SAMMSON: variants seen among roughly 807,000 people sequenced by gnomAD.
SAMMSON encodes survival associated mitochondrial melanoma specific oncogenic non-coding RNA.
intron 7 of SAMMSON, chr3:70,311,759 A>T: frequency 2.6e-6 from 1 of 387,788 alleles, no homozygotes; most frequent in Non-Finnish European, 4.5e-6. Flanking sequence ...AAAAGAAAAG[A>T]GTGAAAATCA....
intron 4 of SAMMSON, among the ~76,000 whole-genome samples, chr3:70,134,545 C>T (rs897574634): frequency 2.0e-5 from 3 of 151,898 alleles, no homozygotes; most frequent in African/African-American, 7.3e-5. Context: ...AAAGTGTAAA[C>T]ATATGACTTA....
intron 4 of SAMMSON, among the ~76,000 whole-genome samples, chr3:70,182,445 A>T (rs1019293543): frequency 6.6e-6 from 1 of 151,886 alleles, no homozygotes; most frequent in Non-Finnish European, 1.5e-5. Context: ...ACTGTGTTTT[A>T]TGGGGGGAGA....
chr3:70,361,368 G>C (rs1482780891), intron 9 of SAMMSON, among the ~76,000 whole-genome samples: 1 of 152,144 alleles, frequency 6.6e-6, no homozygotes, highest in South Asian at 2.1e-4. Context: ...TAAGAAATTA[G>C]ACATACTACT....
At chr3:70,128,182 T>C (rs1448248080) in intron 4 of SAMMSON, among the ~76,000 whole-genome samples, 2 of 152,202 alleles carry the variant, frequency 1.3e-5, no homozygotes, top group Non-Finnish European at 2.9e-5. Flanking sequence ...GATCCTGACA[T>C]TTGGAGTCCT....
chr3:70,298,543 T>C (rs555525476), intron 7 of SAMMSON, among the ~76,000 whole-genome samples: 1 of 152,276 alleles, frequency 6.6e-6, no homozygotes, highest in Admixed American at 6.6e-5. Context: ...ATCACTGTGA[T>C]CTACAGATAA....
intron 3 of SAMMSON, among the ~76,000 whole-genome samples, chr3:70,020,948 A>C (rs139197313): frequency 6.6e-6 from 1 of 152,192 alleles, no homozygotes; most frequent in Non-Finnish European, 1.5e-5. Flanking sequence ...GGCAGAACCA[A>C]GTTCTGAAAG....
chr3:70,069,401 TC>T (rs1175075724), intron 3 of SAMMSON: 2 of 152,152 alleles, frequency 1.3e-5, no homozygotes, highest in African/African-American at 4.8e-5. Context: ...TTTTAAGATC[TC>T]ATAGTGCAGC....
intron 6 of SAMMSON, among the ~76,000 whole-genome samples, chr3:70,250,598 T>C (rs1361213889): frequency 6.6e-6 from 1 of 152,170 alleles, no homozygotes; most frequent in Admixed American, 6.6e-5. Flanking sequence ...GCAGCCAGTT[T>C]GGCAAAGGTT....
At chr3:70,197,281 A>G (rs1701191593) in intron 4 of SAMMSON, 1 of 397,106 alleles carries the variant, frequency 2.5e-6, no homozygotes, top group Admixed American at 4.4e-5. Context: ...TTGATAGCCA[A>G]CTCTTAATTA....
chr3:70,114,353 C>T (rs960019056), intron 4 of SAMMSON, among the ~76,000 whole-genome samples: 3 of 152,124 alleles, frequency 2.0e-5, no homozygotes, highest in Non-Finnish European at 2.9e-5. Context: ...TTTTGACTTC[C>T]GGTAGAAAAT....
At chr3:70,232,917 G>C (rs1317437522) in intron 4 of SAMMSON, among the ~76,000 whole-genome samples, 1 of 152,118 alleles carries the variant, frequency 6.6e-6, no homozygotes, top group Non-Finnish European at 1.5e-5. Flanking sequence ...TGCTAGGCGT[G>C]GGGGTTCACA....
chr3:70,276,656 C>A (rs1186193907), intron 6 of SAMMSON, among the ~76,000 whole-genome samples: 1 of 152,182 alleles, frequency 6.6e-6, no homozygotes, highest in Non-Finnish European at 1.5e-5. Context: ...TAAACTGTGA[C>A]CCATGGTCTA....
chr3:70,191,027 A>G (rs908039983), intron 4 of SAMMSON, among the ~76,000 whole-genome samples: 5 of 152,196 alleles, frequency 3.3e-5, no homozygotes, highest in African/African-American at 1.2e-4. Flanking sequence ...CTGCAGTCTC[A>G]ACTTTAAATG....
intron 4 of SAMMSON, chr3:70,120,637 G>T (rs1206838262): frequency 1.3e-5 from 2 of 152,204 alleles, no homozygotes; most frequent in Non-Finnish European, 2.9e-5. Flanking sequence ...GTCCTTGGAG[G>T]TGACACTCCA....
At chr3:70,019,449 A>T (rs1210088807) in intron 3 of SAMMSON, among the ~76,000 whole-genome samples, 1 of 152,042 alleles carries the variant, frequency 6.6e-6, no homozygotes. Context: ...ATCTTCCTCC[A>T]TCCCTTTATT....
intron 2 of SAMMSON, among the ~76,000 whole-genome samples, chr3:70,413,233 T>C (rs530321702): frequency 3.7e-4 from 56 of 152,152 alleles, no homozygotes; most frequent in Non-Finnish European, 7.2e-4. Context: ...TAGCCTTCTT[T>C]AGTAATCTGC....
At chr3:70,416,358 A>C (rs2106771448) in intron 2 of SAMMSON, among the ~76,000 whole-genome samples, 1 of 152,238 alleles carries the variant, frequency 6.6e-6, no homozygotes, top group African/African-American at 2.4e-5. Context: ...TGTTTAATGC[A>C]TTGTCTTGTC....
At chr3:70,001,160 C>T (rs372984597) in intron 1 of SAMMSON, among the ~76,000 whole-genome samples, 1 of 151,878 alleles carries the variant, frequency 6.6e-6, no homozygotes, top group Non-Finnish European at 1.5e-5. Context: ...AATTGTTGAG[C>T]CCCCTAAAAA....
intron 9 of SAMMSON, among the ~76,000 whole-genome samples, chr3:70,363,567 C>A (rs945101629): frequency 1.3e-5 from 2 of 151,922 alleles, no homozygotes; most frequent in Non-Finnish European, 2.9e-5. Flanking sequence ...ATCCCATTTA[C>A]AATAACTATT....
Sources: allele counts gnomAD v4.1 joint callset (sites outside exome capture counted in the v4.1 genomes callset), GRCh38; gene constraint gnomAD v4.1.1; transcripts MANE v1.5; gene names NCBI Gene and HGNC (gene_info 2026-07-23, HGNC 2026-07-21).